ST3GAL6: variants seen among roughly 807,000 people sequenced by gnomAD.
ST3GAL6 encodes type 2 lactosamine alpha-2,3-sialyltransferase.
In ST3GAL6, 31 loss-of-function variants were observed where a neutral mutation model predicts 40.5. That is an observed-to-expected ratio of 0.77 (90% CI 0.58 to 1.03). ST3GAL6 has a LOEUF of 1.03. ST3GAL6 is among the 50% of genes least tolerant of loss of function. The probability of loss-of-function intolerance (pLI) is 0.00; values close to 1 mark genes in which losing one functional copy is unlikely to be tolerated. For missense variants in ST3GAL6, 357 were observed against 393.2 expected, an observed-to-expected ratio of 0.91 and a Z score of 0.78; for synonymous variants, 129 against 136.9, an observed-to-expected ratio of 0.94 and a Z score of 0.40.
chr3:98,762,756 A>G (rs757405335), upstream of ST3GAL6: 5 of 982,842 alleles, frequency 5.1e-6, no homozygotes, highest in Admixed American at 2.5e-4. Context: ...ATAAGCCACA[A>G]TTTCAAAGTG....
chr3:98,758,037 A>G (rs376293858), intron 1 of ST3GAL6, among the ~76,000 whole-genome samples: 2 of 152,072 alleles, frequency 1.3e-5, no homozygotes, highest in East Asian at 1.9e-4. Context: ...GGGTTTCACT[A>G]TATGTTGGCC....
In ST3GAL6 at chr3:98,793,783, T is replaced by G. The variant is rs1441235799; in HGVS notation, c.*22T>G. The G allele has an allele frequency of 4.1e-6, 6 of 1,464,616 alleles. No homozygotes were observed. Among genetic ancestry groups the G allele is most frequent in the Non-Finnish European group, 5.6e-6 (6 of 1,071,842 alleles). The allele number at this position is 1,464,616 out of a possible 1,614,324, so 90.7% of individuals were successfully genotyped here. A position where few individuals can be genotyped will look rare whatever the true frequency, so the allele number is the denominator to read the frequency against. On this transcript the variant is annotated 3_prime_UTR_variant, in exon 10 of 10. Coordinates refer to ENST00000483910, the MANE Select transcript of ST3GAL6 (RefSeq NM_001323368.2). The stretch of plus-strand genomic sequence containing the variant: ...TTGACTCTACAGACTCAGAAGATGA[T>G]GCTAACAGTGTTAGTTTTATTTTTG...
chr3:98,785,626 C>T (rs534374763), intron 6 of ST3GAL6, among the ~76,000 whole-genome samples: 10 of 152,190 alleles, frequency 6.6e-5, no homozygotes, highest in South Asian at 2.1e-4. Context: ...GAAGCTGAAG[C>T]GGTGAGCAAA....
intron 1 of ST3GAL6, among the ~76,000 whole-genome samples, chr3:98,746,902 T>C (rs1448734013): frequency 2.6e-5 from 4 of 152,206 alleles, no homozygotes; most frequent in African/African-American, 9.6e-5. Context: ...GTCTTTGAGG[T>C]AACATTTGCC....
rs1001023991 is a variant in ST3GAL6, at chr3:98,794,574, A to C, written c.*813A>C. ...TAAATTAGGAAAGGTAAAGAAGATA[A>C]CAGAACAAGTAAACACTTAAGAAAA... On this transcript the variant is annotated 3_prime_UTR_variant, in exon 10 of 10. Transcript: ENST00000483910. The C allele has an allele frequency of 3.3e-5, 5 of 152,136 alleles. No individual in the cohort carries two copies. Among genetic ancestry groups the C allele is most frequent in the African/African-American group, 1.2e-4 (5 of 41,428 alleles). 9.4% of individuals were successfully genotyped at this position (152,136 alleles called of 1,614,324 possible).
chr3:98,777,021 A>C (rs1458929403), intron 5 of ST3GAL6, among the ~76,000 whole-genome samples: 2 of 152,334 alleles, frequency 1.3e-5, no homozygotes, highest in East Asian at 1.9e-4. Context: ...TTCTGTGAGC[A>C]TCAGGGACCA....
At chr3:98,788,287 C>T in intron 7 of ST3GAL6, 39 bp from the exon 8 acceptor site, 1 of 1,576,020 alleles carries the variant, frequency 6.3e-7, no homozygotes, top group Non-Finnish European at 8.5e-7. Flanking sequence ...AAAAAACAGA[C>T]AGCCACACTG....
chr3:98,770,684 C>G (rs1938878568), intron 2 of ST3GAL6, among the ~76,000 whole-genome samples, 195 bp from the exon 3 acceptor site: 1 of 152,174 alleles, frequency 6.6e-6, no homozygotes, highest in Non-Finnish European at 1.5e-5. Context: ...CCCTCCCTTT[C>G]CTTACATCCA....
chr3:98,733,734 C>G, intron 1 of ST3GAL6: 1 of 549,746 alleles, frequency 1.8e-6, no homozygotes, highest in Non-Finnish European at 2.3e-6. Flanking sequence ...TAAAAGAAAA[C>G]CTATAAAAAG....
At chr3:98,775,273 C>T (rs907261051) in intron 5 of ST3GAL6, among the ~76,000 whole-genome samples, 2 of 152,058 alleles carry the variant, frequency 1.3e-5, no homozygotes, top group African/African-American at 2.4e-5. Context: ...GGTCGGAGTT[C>T]GAGACCAGCC....
chr3:98,790,969 A>T (rs531415868), intron 8 of ST3GAL6, among the ~76,000 whole-genome samples: 1 of 152,246 alleles, frequency 6.6e-6, no homozygotes, highest in South Asian at 2.1e-4. Flanking sequence ...CCTGGAATTG[A>T]TTTGGTTGTG....
intron 1 of ST3GAL6, among the ~76,000 whole-genome samples, chr3:98,747,286 G>A (rs546469383): frequency 1.3e-5 from 2 of 152,224 alleles, no homozygotes; most frequent in East Asian, 1.9e-4. Flanking sequence ...GTTTTCAACA[G>A]CGTTATTATA....
At chr3:98,755,207 T>C (rs1937329801) in intron 1 of ST3GAL6, among the ~76,000 whole-genome samples, 1 of 151,970 alleles carries the variant, frequency 6.6e-6, no homozygotes, top group African/African-American at 2.4e-5. Flanking sequence ...CCACCGCGCC[T>C]GACTGATTTT....
At chr3:98,762,464 A>T (rs1371668854), upstream of ST3GAL6, among the ~76,000 whole-genome samples, 1 of 152,200 alleles carries the variant, frequency 6.6e-6, no homozygotes, top group Admixed American at 6.5e-5. Context: ...TTGTATGTTT[A>T]AAAAATCTAT....
At chr3:98,752,882 C>A (rs780810126) in intron 1 of ST3GAL6, among the ~76,000 whole-genome samples, 1 of 152,168 alleles carries the variant, frequency 6.6e-6, no homozygotes, top group Non-Finnish European at 1.5e-5. Context: ...AATGGACCAC[C>A]GACCAGTTTT....
Position 98,784,930 on chromosome 3 carries a change from C to G in ST3GAL6, c.336-15C>G. 1 of 1,599,166 alleles carries G rather than the reference C, an allele frequency of 6.3e-7. No homozygotes were observed. Reference sequence around the variant, plus strand: ...AAAGATGGCTCAATCTCTCACTTGTCCATCTGTCCAACAGCATACCCTGTA... The same window carrying G: ...AAAGATGGCTCAATCTCTCACTTGTGCATCTGTCCAACAGCATACCCTGTA... On this transcript the variant is annotated splice_polypyrimidine_tract_variant and intron_variant, in intron 5 of 9. Transcript: ENST00000483910.
At chr3:98,741,067 T>TGTGTGTGTGTGTGTGTGTGC (rs1458017823) in intron 1 of ST3GAL6, among the ~76,000 whole-genome samples, 7 of 146,124 alleles carry the variant, frequency 4.8e-5, no homozygotes, top group Non-Finnish European at 8.9e-5. Context: ...TGTGTGTGTG[T>TGTGTGTGTGTGTGTGTGTGC]GTGTGTGTGT....
intron 1 of ST3GAL6, among the ~76,000 whole-genome samples, chr3:98,746,485 A>G (rs1936564564): frequency 2.0e-5 from 3 of 152,030 alleles, no homozygotes; most frequent in Non-Finnish European, 2.9e-5. Flanking sequence ...GCCCCAGAAG[A>G]GAAATGCCCT....
rs1015714432 is a variant in ST3GAL6 at position 98,792,593 on chromosome 3, A to G, written c.909+600A>G. On this transcript the variant is annotated intron_variant, in intron 9 of 9. Coordinates refer to ENST00000483910, the MANE Select transcript of ST3GAL6 (RefSeq NM_001323368.2). ...ATGATCTCGGCTTACTGCAACCTGC[A>G]CCCCGCAGGTTGAAGTGATTCTCCT... 4.1e-4 allele frequency among the ~76,000 whole-genome samples: 60 copies of G among 146,510 alleles called. 1 individual carries two copies. Among genetic ancestry groups the G allele is most frequent in the Admixed American group, 4.0e-3 (58 of 14,592 alleles).
Sources: allele counts gnomAD v4.1 joint callset (sites outside exome capture counted in the v4.1 genomes callset), GRCh38; gene constraint gnomAD v4.1.1; transcripts MANE v1.5; gene names NCBI Gene and HGNC (gene_info 2026-07-23, HGNC 2026-07-21).